CPSF4L: variants seen among roughly 807,000 people sequenced by gnomAD.
The protein encoded by CPSF4L is putative cleavage and polyadenylation specificity factor subunit 4-like protein.
CPSF4L carries 18 observed loss-of-function variants against 24.0 expected under a neutral mutation model. That is an observed-to-expected ratio of 0.75 (90% confidence interval 0.52 to 1.11). CPSF4L has a LOEUF of 1.11. Ranked by LOEUF, CPSF4L falls within the 50% of genes least tolerant of loss-of-function variation. The pLI is 0.00. For missense variants in CPSF4L, 211 were observed against 221.8 expected (o/e 0.95, Z 0.31); for synonymous variants, 72 against 77.2 (o/e 0.93, Z 0.35).
chr17:73,254,113 A>G, intron 3 of CPSF4L, 87 bp from the exon 4 acceptor site: 1 of 971,610 alleles, frequency 1.0e-6, no homozygotes, highest in Admixed American at 2.0e-5. Flanking sequence ...GCCCCTCACA[A>G]ACACAGAAGA....
intron 5 of CPSF4L, 82 bp from the exon 6 acceptor site, chr17:73,248,618 A>G: frequency 2.9e-6 from 4 of 1,367,922 alleles, no homozygotes; most frequent in African/African-American, 1.4e-5. Context: ...CAGAAGAGGC[A>G]TGGTGACACC....
At position 73,258,844 on chromosome 17, in the gene CPSF4L, T is replaced by C. The variant is rs1209570903; in HGVS notation, c.155-1011A>G. On this transcript the variant is annotated intron_variant, in intron 2 of 5. Transcript: ENST00000344935. ...GCACATAGTAAGTGCTCAGTAAGGG[T>C]GTGTTGAATTCCCATCTTTAAAAAC... 2.0e-5 allele frequency among the ~76,000 whole-genome samples: 3 copies of C among 152,258 alleles called. No homozygotes were observed. The East Asian group carries it at 5.8e-4, about 29-fold the overall frequency.
intron 2 of CPSF4L, among the ~76,000 whole-genome samples, chr17:73,258,956 G>A (rs2062034372): frequency 6.6e-6 from 1 of 152,228 alleles, no homozygotes; most frequent in South Asian, 2.1e-4. Flanking sequence ...ATATTCCATG[G>A]AAATGTTACA....
chr17:73,261,695 A>C, intron 1 of CPSF4L, 21 bp downstream of exon 1: 2 of 1,464,742 alleles, frequency 1.4e-6, no homozygotes, highest in Non-Finnish European at 1.9e-6. Flanking sequence ...GGGGAGGGAA[A>C]GTGGCCCCAC....
At position 73,256,748 on chromosome 17, in the gene CPSF4L, C is replaced by T. The variant is rs144057456; in HGVS notation, c.307+933G>A. On this transcript the variant is annotated intron_variant, in intron 3 of 5. Coordinates refer to ENST00000344935, the MANE Select transcript of CPSF4L (RefSeq NM_001129885.1). ...CCTTGATTAAAAGGACAAAGGAGGCCGGGCACCGCAGCTCACACCAATAAT... is the reference window on the plus strand; with the variant it reads ...CCTTGATTAAAAGGACAAAGGAGGCTGGGCACCGCAGCTCACACCAATAAT... 2.2e-3 allele frequency among the ~76,000 whole-genome samples: 330 copies of T among 152,240 alleles called. 1 individual carries two copies. The highest frequency in any genetic ancestry group is 7.4e-3 in the African/African-American group (308 of 41,528).
At chr17:73,257,862 G>A (rs753534657) in intron 2 of CPSF4L, 29 bp from the exon 3 acceptor site, 2 of 1,549,806 alleles carry the variant, frequency 1.3e-6, no homozygotes, top group Non-Finnish European at 1.7e-6. Flanking sequence ...CTGGCTGGGA[G>A]GCCCCTCATC....
intron 5 of CPSF4L, chr17:73,250,127 A>T: frequency 1.1e-6 from 1 of 870,604 alleles, no homozygotes; most frequent in Non-Finnish European, 1.6e-6. Context: ...GCCACAGGCT[A>T]CTTCTGCACC....
downstream of CPSF4L, chr17:73,247,419 C>G: frequency 1.4e-6 from 2 of 1,403,672 alleles, no homozygotes; most frequent in Non-Finnish European, 1.0e-6. Flanking sequence ...CTGAATTGCC[C>G]TGTAACACCT....
At chr17:73,260,391 G>C (rs2062040517) in intron 2 of CPSF4L, among the ~76,000 whole-genome samples, 1 of 152,148 alleles carries the variant, frequency 6.6e-6, no homozygotes, top group South Asian at 2.1e-4. Context: ...GAAGACTGCT[G>C]CTGAGGCGGG....
At chr17:73,259,994 A>G (rs1247495787) in intron 2 of CPSF4L, among the ~76,000 whole-genome samples, 1 of 152,208 alleles carries the variant, frequency 6.6e-6, no homozygotes, top group Non-Finnish European at 1.5e-5. Flanking sequence ...AGAAAAGTTG[A>G]AAACTCTTAT....
intron 3 of CPSF4L, among the ~76,000 whole-genome samples, chr17:73,255,656 C>T (rs2062022340): frequency 6.6e-6 from 1 of 152,102 alleles, no homozygotes; most frequent in African/African-American, 2.4e-5. Flanking sequence ...AGCTTCCTCA[C>T]GTTCATGAAG....
rs374214777 is a variant in CPSF4L at position 73,255,593 on chromosome 17, T to A, written c.308-1567A>T. Among the ~76,000 whole-genome samples, 181 of 151,850 alleles carry A rather than the reference T, an allele frequency of 1.2e-3. 2 individuals carry two copies. In the South Asian group the frequency reaches 0.021, roughly 18 times the overall value. On this transcript the variant is annotated intron_variant, in intron 3 of 5. Transcript: ENST00000344935. ...ACCATTCTTTCCCAGCCCTCTCATT[T>A]CACAGAGAACGCCAGGGCTCAGAGA...
intron 5 of CPSF4L, chr17:73,250,197 C>A: frequency 1.3e-6 from 2 of 1,533,760 alleles, no homozygotes; most frequent in Non-Finnish European, 1.8e-6. Context: ...AAACAGAATC[C>A]CATAGTAAGA....
Position 73,260,948 on chromosome 17 carries a change from C to A in CPSF4L, c.139G>T (p.Gly47Trp). Residue 47 changes from glycine (G) to tryptophan (W), a missense_variant, in exon 2 of 6, where the codon GGG (glycine) becomes TGG (tryptophan). By Grantham distance (184) the Gly-to-Trp change is radical. Coordinates refer to ENST00000344935, the MANE Select transcript of CPSF4L (RefSeq NM_001129885.1). Reference protein sequence around the residue: ...ASAVCNFFTKGLCEKGKLCPF... With the variant: ...ASAVCNFFTKWLCEKGKLCPF... ...GCTAACTCACCTTTCTCACAGAGCC[C>A]TTTAGTGAAGAAGTTGCACACAGCT... 1 of 1,550,832 alleles carries A rather than the reference C, an allele frequency of 6.4e-7. No individual in the cohort carries two copies.
chr17:73,251,196 A>G lies in CPSF4L; in HGVS notation c.497+1434T>C, dbSNP rs1568330860. 7 of 1,331,908 alleles carry G rather than the reference A, an allele frequency of 5.3e-6. No individual in the cohort carries two copies. The East Asian group carries it at 1.6e-4, about 31-fold the overall frequency. The allele number at this position is 1,331,908 out of a possible 1,614,324, so 82.5% of individuals were successfully genotyped here. A position where few individuals can be genotyped will look rare whatever the true frequency, so the allele number is the denominator to read the frequency against. On this transcript the variant is annotated intron_variant, in intron 5 of 5. Coordinates refer to ENST00000344935, the MANE Select transcript of CPSF4L (RefSeq NM_001129885.1). ...CAGAGGGCCGGGACGCTGGCCATGC[A>G]TTTAGGGTGAAACCAGGGTTCAAGA...
chr17:73,263,321 C>T (rs573690460), upstream of CPSF4L, among the ~76,000 whole-genome samples: 135 of 152,278 alleles, frequency 8.9e-4, no homozygotes, highest in Non-Finnish European at 1.6e-3. Flanking sequence ...TGACTTCCTT[C>T]CCTAAACATC....
At chr17:73,242,534 C>T in the CPSF4L span, among the ~76,000 whole-genome samples, 2 of 152,144 alleles carry the variant, frequency 1.3e-5, no homozygotes. Context: ...AGCACCAAAG[C>T]TAATAACAGC....
chr17:73,255,222 A>C (rs2062020264), intron 3 of CPSF4L, among the ~76,000 whole-genome samples: 1 of 152,102 alleles, frequency 6.6e-6, no homozygotes, highest in Non-Finnish European at 1.5e-5. Flanking sequence ...CCCCTAGGCC[A>C]GGCACAGTGG....
At chr17:73,261,079 C>T in intron 1 of CPSF4L, 96 bp from the exon 2 acceptor site, 1 of 1,000,912 alleles carries the variant, frequency 1.0e-6, no homozygotes, top group Non-Finnish European at 1.5e-6. Flanking sequence ...ACCTAGACCT[C>T]CCCCAGGCTC....
Sources: allele counts gnomAD v4.1 joint callset (sites outside exome capture counted in the v4.1 genomes callset), GRCh38; gene constraint gnomAD v4.1.1; transcripts MANE v1.5; gene names NCBI Gene and HGNC (gene_info 2026-07-23, HGNC 2026-07-21).